The following CELSR1 variants were observed in gnomAD, a reference collection of about 807,000 sequenced individuals.
CELSR1 encodes the protein adhesion G protein-coupled receptor C1.
Under a neutral mutation model 249.1 loss-of-function variants are expected in CELSR1, and 110 were observed. The ratio of observed to expected loss-of-function variants is 0.44; its 90% CI spans 0.38 to 0.52. The LOEUF is 0.52. CELSR1 is among the 20% of genes least tolerant of loss of function. The pLI, the probability that CELSR1 is intolerant of heterozygous loss-of-function variation, is 0.00. For missense variants in CELSR1, 4,109 were observed against 4,296.4 expected (o/e 0.96, Z 1.22); for synonymous variants, 2,113 against 1,900.0 (o/e 1.11, Z -2.92).
chr22:46,529,164 G>A (rs1221582147), intron 1 of CELSR1, among the ~76,000 whole-genome samples: 9 of 151,558 alleles, frequency 5.9e-5, no homozygotes, highest in South Asian at 2.1e-4. Context: ...TACTCAGGAG[G>A]CTGAGGCAGG....
Position 46,364,035 on chromosome 22 carries a change from A to G in CELSR1, c.8996T>C (p.Val2999Ala), listed in dbSNP as rs1011247317. The change falls in exon 34 of 35, where the codon GTG (valine) becomes GCG (alanine). Residue 2999 changes from valine (V) to alanine (A), a missense_variant. Coordinates refer to ENST00000674500, the MANE Select transcript of CELSR1 (RefSeq NM_001378328.1). ...RDHLNGVAMN[V>A]RTGSAQADGS... Reference sequence around the variant, plus strand: ...ATCGGCCTGGGCGCTCCCAGTGCGCACATTCATGGCCACCCCGTTGAGGTG... The same window carrying G: ...ATCGGCCTGGGCGCTCCCAGTGCGCGCATTCATGGCCACCCCGTTGAGGTG... 24 of 1,611,222 alleles carry G rather than the reference A, an allele frequency of 1.5e-5. No homozygotes were observed. The highest frequency in any genetic ancestry group is 1.7e-5 in the Non-Finnish European group (20 of 1,179,280).
rs533911111 is a variant in CELSR1 at position 46,515,492 on chromosome 22, C to T, written c.3544+18135G>A. Among the ~76,000 whole-genome samples the T allele has an allele frequency of 3.3e-5, 5 of 152,334 alleles. No homozygotes were observed. The South Asian group carries it at 1.0e-3, about 32-fold the overall frequency. Reference sequence around the variant, plus strand: ...ACAGAAAATAGGAAAGCATGACAGTCTGTGTCTCCATGGTGAAGTCAGCTC... The same window carrying T: ...ACAGAAAATAGGAAAGCATGACAGTTTGTGTCTCCATGGTGAAGTCAGCTC... On this transcript the variant is annotated intron_variant, in intron 1 of 34. Transcript: ENST00000674500.
intron 23 of CELSR1, among the ~76,000 whole-genome samples, chr22:46,377,951 T>G (rs1489468128): frequency 6.6e-6 from 1 of 152,158 alleles, no homozygotes; most frequent in Non-Finnish European, 1.5e-5. Flanking sequence ...CCCAGGCCCC[T>G]GGTTCTGACT....
At chr22:46,415,033 C>T (rs1041300596) in intron 5 of CELSR1, among the ~76,000 whole-genome samples, 9 of 152,150 alleles carry the variant, frequency 5.9e-5, no homozygotes, top group Admixed American at 1.3e-4. Context: ...GGCCATGCAC[C>T]GCGTGACTCC....
Position 46,488,737 on chromosome 22 carries a change from G to A in CELSR1, c.3545-24392C>T, listed in dbSNP as rs964542641. Among the ~76,000 whole-genome samples the A allele has an allele frequency of 2.0e-5, 3 of 151,164 alleles. No homozygotes were observed. The highest frequency in any genetic ancestry group is 7.3e-5 in the African/African-American group (3 of 40,974). Reference sequence around the variant, plus strand: ...TTCAGTGGCGTGATCTCGGCTCACTGCAAGCTCCACCTCCCAGGTTCATGC... The same window carrying A: ...TTCAGTGGCGTGATCTCGGCTCACTACAAGCTCCACCTCCCAGGTTCATGC... On this transcript the variant is annotated intron_variant, in intron 1 of 34. Coordinates refer to ENST00000674500, the MANE Select transcript of CELSR1 (RefSeq NM_001378328.1). The surrounding 1 kb of genome is among the most constrained non-coding windows in gnomAD (Gnocchi z 4.7).
intron 2 of CELSR1, among the ~76,000 whole-genome samples, chr22:46,449,074 CCATT>C (rs1466153803): frequency 1.3e-5 from 2 of 148,168 alleles, no homozygotes; most frequent in African/African-American, 4.9e-5. Context: ...TTCCATCCAT[CCATT>C]TATTCACCCA....
chr22:46,531,084 C>T (rs972098775), intron 1 of CELSR1, among the ~76,000 whole-genome samples: 4 of 152,186 alleles, frequency 2.6e-5, no homozygotes, highest in Admixed American at 2.6e-4. Flanking sequence ...GTTTTCTATC[C>T]GGTGCTTTGC....
In CELSR1 at chr22:46,536,871, C is replaced by A; in HGVS notation, c.300G>T (p.Ala100=). The A allele has an allele frequency of 8.1e-7, 1 of 1,232,850 alleles. No individual in the cohort carries two copies. The highest frequency in any genetic ancestry group is 1.6e-5 in the African/African-American group (1 of 62,356). The allele number at this position is 1,232,850 out of a possible 1,614,324, so 76.4% of individuals were successfully genotyped here. A position where few individuals can be genotyped will look rare whatever the true frequency, so the allele number is the denominator to read the frequency against. Residue 100 remains alanine, a synonymous_variant, in exon 1 of 35, where the codon GCG becomes GCT. Coordinates refer to ENST00000674500, the MANE Select transcript of CELSR1 (RefSeq NM_001378328.1). ...VRLVARSAPT[A]LSRRLRARTH... ...TGCGCGCCCGCAGGCGGCGGCTCAG[C>A]GCCGTCGGGGCACTGCGGGCCACCA...
In CELSR1 at chr22:46,363,338, TC is replaced by T. The variant is rs2078727190; in HGVS notation, c.9036-92del. 1 of 1,052,140 alleles carries T rather than the reference TC, an allele frequency of 9.5e-7. No individual in the cohort carries two copies. The highest frequency in any genetic ancestry group is 1.6e-5 in the African/African-American group (1 of 63,538). 65.2% of individuals were successfully genotyped at this position (1,052,140 alleles called of 1,614,324 possible). On this transcript the variant is annotated intron_variant, in intron 34 of 34. Coordinates refer to ENST00000674500, the MANE Select transcript of CELSR1 (RefSeq NM_001378328.1). The surrounding 1 kb of genome is among the most constrained non-coding windows in gnomAD (Gnocchi z 4.3). Reference sequence around the variant, plus strand: ...AAGGTTGTCACACGGGGGGGCAGGATCACCCCATCAGGGTAGAGGGGGCGTC... The same window carrying T: ...AAGGTTGTCACACGGGGGGGCAGGATACCCCATCAGGGTAGAGGGGGCGTC...
Position 46,534,406 on chromosome 22 carries a change from C to T in CELSR1, c.2765G>A (p.Gly922Asp), listed in dbSNP as rs2080827086. ...GGTGTACAGCAGACGCCCATTGGGACCTGAGTCCCGGTCCGTGGCAGAGAC... is the reference window on the plus strand; with the variant it reads ...GGTGTACAGCAGACGCCCATTGGGATCTGAGTCCCGGTCCGTGGCAGAGAC... ...LQVSATDRDSGPNGRLLYTFQ... is the reference protein window; with the variant it reads ...LQVSATDRDSDPNGRLLYTFQ... Residue 922 changes from glycine (G) to aspartate (D), a missense_variant, in exon 1 of 35, where the codon GGT becomes GAT. Around this residue, in one of 7 missense-constraint regions of CELSR1, gnomAD observed 886 missense variants for 896.5 expected, o/e 0.99. Coordinates refer to ENST00000674500, the MANE Select transcript of CELSR1 (RefSeq NM_001378328.1). The surrounding 1 kb of genome is among the most constrained non-coding windows in gnomAD (Gnocchi z 9.7). The T allele has an allele frequency of 6.2e-7, 1 of 1,612,816 alleles. No homozygotes were observed. Among genetic ancestry groups the T allele is most frequent in the Admixed American group, 1.7e-5 (1 of 60,004 alleles).
At chr22:46,453,806 A>G (rs973144778) in intron 2 of CELSR1, among the ~76,000 whole-genome samples, 2 of 152,144 alleles carry the variant, frequency 1.3e-5, no homozygotes, top group Admixed American at 1.3e-4. Flanking sequence ...GACCCCCACC[A>G]CAGCGCCGAT....
At chr22:46,485,755 G>C (rs2080306718) in intron 1 of CELSR1, among the ~76,000 whole-genome samples, 1 of 152,108 alleles carries the variant, frequency 6.6e-6, no homozygotes, top group South Asian at 2.1e-4. Context: ...CCCACAGTCT[G>C]GGGAAATGGG....
At chr22:46,497,857 A>T (rs1481160590) in intron 1 of CELSR1, among the ~76,000 whole-genome samples, 1 of 152,176 alleles carries the variant, frequency 6.6e-6, no homozygotes, top group Non-Finnish European at 1.5e-5. Flanking sequence ...AGAAGAGAGT[A>T]CCCATTAGAA....
At chr22:46,431,317 T>C (rs2079593111) in intron 5 of CELSR1, among the ~76,000 whole-genome samples, 1 of 152,174 alleles carries the variant, frequency 6.6e-6, no homozygotes, top group South Asian at 2.1e-4. Flanking sequence ...GCGTCCTGGC[T>C]GCGAGTCCCT....
At chr22:46,505,001 G>A (rs200247602) in intron 1 of CELSR1, among the ~76,000 whole-genome samples, 3 of 152,282 alleles carry the variant, frequency 2.0e-5, no homozygotes, top group South Asian at 2.1e-4. Flanking sequence ...GGCGGCTCAC[G>A]CCTGTAATCC....
At chr22:46,504,015 G>A (rs1348512196) in intron 1 of CELSR1, among the ~76,000 whole-genome samples, 1 of 152,104 alleles carries the variant, frequency 6.6e-6, no homozygotes, top group Non-Finnish European at 1.5e-5. Flanking sequence ...CTGGGCAACA[G>A]AGCAAGACCT....
Position 46,384,684 on chromosome 22 carries a change from G to A in CELSR1, c.6742C>T (p.Leu2248Phe), listed in dbSNP as rs1391576808. Residue 2248 changes from leucine to phenylalanine, a missense_variant and splice_region_variant, in exon 20 of 35, where the codon CTT becomes TTT. By Grantham distance (22) the Leu-to-Phe change is conservative. Around this residue, in one of 7 missense-constraint regions of CELSR1, gnomAD observed 1,805 missense variants for 1,831.6 expected, o/e 0.99. Transcript: ENST00000674500. ...AACTTGTCAAAGATGTCGACAGCAA[G>A]AACTGGGGGGACAGTTCCTTTAATC... The part of the protein sequence containing the change: ...PFVIVTANMI[L>F]AVDIFDKFNF... 6.2e-7 allele frequency: 1 copy of A among 1,612,140 alleles called. No homozygotes were observed. Among genetic ancestry groups the A allele is most frequent in the Non-Finnish European group, 8.5e-7 (1 of 1,179,168 alleles).
Position 46,437,588 on chromosome 22 carries a change from T to C in CELSR1, c.4407-1299A>G, listed in dbSNP as rs1322730039. Among the ~76,000 whole-genome samples the C allele has an allele frequency of 1.3e-5, 2 of 151,982 alleles. No individual in the cohort carries two copies. The highest frequency in any genetic ancestry group is 4.8e-5 in the African/African-American group (2 of 41,356). On this transcript the variant is annotated intron_variant, in intron 3 of 34. Transcript: ENST00000674500. This position sits in a 1 kb window ranked among gnomAD's most constrained non-coding sequence, Gnocchi z 4.9. ...CAACATGGTGAAACCCCGTCTCTAC[T>C]AAAAATACGAAAATTAGCCGGGCAT...
intron 2 of CELSR1, chr22:46,462,943 A>G (rs2080049077): frequency 4.3e-6 from 2 of 466,504 alleles, no homozygotes; most frequent in Non-Finnish European, 8.9e-6. Flanking sequence ...AGGCATGAAA[A>G]AACAGGATTT....
Sources: gnomAD v4.1 joint callset for allele counts (sites outside exome capture counted in the v4.1 genomes callset) on GRCh38, gnomAD v4.1.1 for gene constraint, gnomAD v4.1.1 regional missense constraint, Gnocchi (gnomAD v3.1) non-coding constraint, MANE v1.5 for transcripts, NCBI Gene and HGNC (gene_info 2026-07-23, HGNC 2026-07-21) for gene names.